UNC5D: variants seen among roughly 807,000 people sequenced by gnomAD.
The protein encoded by UNC5D is unc-5 netrin receptor D.
In UNC5D, 39 loss-of-function variants were observed where a neutral mutation model predicts 105.4. The ratio of observed to expected loss-of-function variants is 0.37; its 90% CI spans 0.29 to 0.48. The LOEUF (loss-of-function observed/expected upper bound fraction) is 0.48. Among genes scored for constraint, UNC5D ranks in the 20% least tolerant of loss-of-function variants. The pLI is 0.98. For missense variants in UNC5D, 991 were observed against 1,202.4 expected, an observed-to-expected ratio of 0.82 and a Z score of 2.60; for synonymous variants, 452 against 450.4, an observed-to-expected ratio of 1.00 and a Z score of -0.04.
chr8:35,565,473 C>G (rs1044767081), intron 2 of UNC5D, among the ~76,000 whole-genome samples: 6 of 152,020 alleles, frequency 3.9e-5, no homozygotes. Flanking sequence ...CTTGTAGATT[C>G]TGGATATTAT....
chr8:35,315,974 A>T (rs1809272314), intron 1 of UNC5D, among the ~76,000 whole-genome samples: 1 of 152,180 alleles, frequency 6.6e-6, no homozygotes, highest in African/African-American at 2.4e-5. Flanking sequence ...AAAAATGATT[A>T]TCAGAAGGCT....
chr8:35,521,069 T>C lies in UNC5D; in HGVS notation c.104-28223T>C, dbSNP rs148725896. 7.8e-3 allele frequency among the ~76,000 whole-genome samples: 1,193 copies of C among 152,246 alleles called. 19 individuals are homozygous for C. Among genetic ancestry groups the C allele is most frequent in the African/African-American group, 0.027 (1,122 of 41,572 alleles). On this transcript the variant is annotated intron_variant, in intron 1 of 16. Coordinates refer to ENST00000404895, the MANE Select transcript of UNC5D (RefSeq NM_080872.4). ...TAGGGATAGACAAAGGGTGATGTCA[T>C]GGAGAGACTGTTCATTGCTTTCTAA...
intron 1 of UNC5D, among the ~76,000 whole-genome samples, chr8:35,377,931 T>C (rs1304849353): frequency 6.6e-6 from 1 of 152,200 alleles, no homozygotes; most frequent in Non-Finnish European, 1.5e-5. Flanking sequence ...CTTCATTCTC[T>C]CACCATATTG....
At chr8:35,466,040 G>T (rs1809283985) in intron 1 of UNC5D, among the ~76,000 whole-genome samples, 1 of 152,148 alleles carries the variant, frequency 6.6e-6, no homozygotes, top group South Asian at 2.1e-4. Flanking sequence ...GCCCAGTGAT[G>T]CCTGTATTAG....
chr8:35,710,978 G>A (rs532797999), intron 8 of UNC5D, among the ~76,000 whole-genome samples: 317 of 107,942 alleles, frequency 2.9e-3, no homozygotes, highest in African/African-American at 0.014. Flanking sequence ...TCGCTCTGTC[G>A]CCCAGGCTGG....
At chr8:35,556,173 C>G (rs764338375) in intron 2 of UNC5D, among the ~76,000 whole-genome samples, 1 of 152,120 alleles carries the variant, frequency 6.6e-6, no homozygotes, top group Non-Finnish European at 1.5e-5. Context: ...TCAAGACTAT[C>G]CCTCAAAATG....
chr8:35,559,375 C>T (rs1816793526), intron 2 of UNC5D, among the ~76,000 whole-genome samples: 1 of 152,140 alleles, frequency 6.6e-6, no homozygotes. Context: ...GCCAAGCATC[C>T]TACTACAGAG....
intron 1 of UNC5D, among the ~76,000 whole-genome samples, chr8:35,342,898 C>T (rs1811552929): frequency 1.3e-5 from 2 of 152,148 alleles, no homozygotes; most frequent in Non-Finnish European, 2.9e-5. Context: ...CGTCTCTTAA[C>T]TGCTAGAGTG....
At chr8:35,394,287 T>C (rs1314857459) in intron 1 of UNC5D, among the ~76,000 whole-genome samples, 1 of 152,176 alleles carries the variant, frequency 6.6e-6, no homozygotes, top group African/African-American at 2.4e-5. Flanking sequence ...TATACTGACA[T>C]GGGAAGTTGC....
In UNC5D at chr8:35,750,677, G is replaced by A. The variant is rs764595832; in HGVS notation, c.2031G>A (p.Ala677=). ...HVLLDSFGTY[A]LTGEPITDCA... ...TCCTGGACAGCTTTGGGACCTATGC[G>A]CTCACTGGAGAGCCAATCACAGACT... The change falls in exon 13 of 17, where the codon GCG becomes GCA. Residue 677 remains alanine (A), a synonymous_variant. Transcript: ENST00000404895. The A allele has an allele frequency of 1.1e-5, 17 of 1,614,120 alleles. No homozygotes were observed. The highest frequency in any genetic ancestry group is 5.0e-5 in the Admixed American group (3 of 60,018).
At chr8:35,243,626 CTATAGTTAAGCAAGAGAT>C (rs1383411918) in intron 1 of UNC5D, among the ~76,000 whole-genome samples, 1 of 152,020 alleles carries the variant, frequency 6.6e-6, no homozygotes, top group Non-Finnish European at 1.5e-5. Flanking sequence ...GGGGATGAGG[CTATAGTTAAGCAAGAGAT>C]AGAATGAGAA....
At chr8:35,241,922 G>A (rs1802832125) in intron 1 of UNC5D, among the ~76,000 whole-genome samples, 1 of 151,926 alleles carries the variant, frequency 6.6e-6, no homozygotes, top group Non-Finnish European at 1.5e-5. Context: ...TCAGACACTG[G>A]GTCTTATTCT....
intron 1 of UNC5D, among the ~76,000 whole-genome samples, chr8:35,348,144 G>A (rs1811936911): frequency 1.3e-5 from 2 of 151,932 alleles, no homozygotes; most frequent in African/African-American, 2.4e-5. Flanking sequence ...GTAGCTTAGT[G>A]TCCACTCTTC....
intron 12 of UNC5D, among the ~76,000 whole-genome samples, chr8:35,750,208 G>A (rs758981330): frequency 6.2e-4 from 94 of 151,780 alleles, no homozygotes; most frequent in Non-Finnish European, 6.3e-4. Flanking sequence ...ATGGATCTCC[G>A]CCTACTGCAA....
At chr8:35,781,479 T>G (rs1290952652) in intron 16 of UNC5D, among the ~76,000 whole-genome samples, 4 of 152,148 alleles carry the variant, frequency 2.6e-5, no homozygotes, top group Non-Finnish European at 5.9e-5. Context: ...TTCCTTCCTA[T>G]AAACTAACGT....
chr8:35,482,951 T>A (rs1022485265), intron 1 of UNC5D, among the ~76,000 whole-genome samples: 1 of 151,510 alleles, frequency 6.6e-6, no homozygotes, highest in Non-Finnish European at 1.5e-5. Context: ...TACAGGCGCC[T>A]GCCACCACGC....
At chr8:35,241,676 T>C (rs969337524) in intron 1 of UNC5D, among the ~76,000 whole-genome samples, 1 of 152,178 alleles carries the variant, frequency 6.6e-6, no homozygotes, top group African/African-American at 2.4e-5. Context: ...TTATTTTTTA[T>C]TTTTAAATTT....
At chr8:35,367,247 T>A (rs2128922523) in intron 1 of UNC5D, among the ~76,000 whole-genome samples, 1 of 152,320 alleles carries the variant, frequency 6.6e-6, no homozygotes, top group Non-Finnish European at 1.5e-5. Flanking sequence ...CCTACTTGCC[T>A]GTTTATTGAA....
intron 1 of UNC5D, among the ~76,000 whole-genome samples, chr8:35,533,564 G>T (rs906145049): frequency 5.3e-5 from 8 of 152,226 alleles, no homozygotes; most frequent in African/African-American, 1.9e-4. Flanking sequence ...TTGAGCTGTG[G>T]TGGGCTCCAC....
Sources: gnomAD v4.1 joint callset for allele counts (sites outside exome capture counted in the v4.1 genomes callset) on GRCh38, gnomAD v4.1.1 for gene constraint, MANE v1.5 for transcripts, NCBI Gene and HGNC (gene_info 2026-07-23, HGNC 2026-07-21) for gene names.